MYOC: variants seen among roughly 807,000 people sequenced by gnomAD.
The protein encoded by MYOC is myocilin.
Under a neutral mutation model 28.2 loss-of-function variants are expected in MYOC, and 29 were observed. The ratio of observed to expected loss-of-function variants is 1.03; its 90% CI spans 0.77 to 1.40. The LOEUF (loss-of-function observed/expected upper bound fraction) is 1.40. Among genes scored for constraint, MYOC ranks in the 40% most tolerant of loss-of-function variants. The pLI is 0.00. For missense variants in MYOC, 569 were observed against 620.6 expected, an observed-to-expected ratio of 0.92 and a Z score of 0.88; for synonymous variants, 240 against 245.6, an observed-to-expected ratio of 0.98 and a Z score of 0.21.
chr1:171,640,565 C>T (rs914186937), intron 1 of MYOC, among the ~76,000 whole-genome samples: 1 of 152,088 alleles, frequency 6.6e-6, no homozygotes, highest in East Asian at 1.9e-4. Context: ...GAAATCCCAT[C>T]TCTACAAAAA....
chr1:171,651,954 A>G (rs1653362586), intron 1 of MYOC, 54 bp downstream of exon 1: 1 of 1,613,392 alleles, frequency 6.2e-7, no homozygotes, highest in Admixed American at 1.7e-5. Flanking sequence ...GTAGCAGGTC[A>G]CTACGAGCCA....
intron 1 of MYOC, among the ~76,000 whole-genome samples, chr1:171,641,337 G>A (rs1299769834): frequency 6.6e-6 from 1 of 152,168 alleles, no homozygotes; most frequent in African/African-American, 2.4e-5. Flanking sequence ...GGAAAATGTG[G>A]GAAAGCGCCT....
Position 171,635,873 on chromosome 1 carries a change from C to A in MYOC, c.*52G>T. 1.3e-6 allele frequency: 2 copies of A among 1,599,614 alleles called. No individual in the cohort carries two copies. The highest frequency in any genetic ancestry group is 2.2e-5 in the East Asian group (1 of 44,686). On this transcript the variant is annotated 3_prime_UTR_variant, in exon 3 of 3. Coordinates refer to ENST00000037502, the MANE Select transcript of MYOC (RefSeq NM_000261.2). ...GGCTCTCCCTTCAGCCTGCTCCCCC[C>A]AGGAGCCCTGAGCATCTCCTTCTGC...
Position 171,652,368 on chromosome 1 carries a change from G to T in MYOC, c.244C>A (p.Arg82Ser). 6.2e-7 allele frequency: 1 copy of T among 1,612,490 alleles called. No individual in the cohort carries two copies. The highest frequency in any genetic ancestry group is 8.5e-7 in the Non-Finnish European group (1 of 1,178,650). ...HNLQRDSSTQRLDLEATKARL... is the reference protein window; with the variant it reads ...HNLQRDSSTQSLDLEATKARL... ...GCTTTGGTGGCCTCCAGGTCTAAGC[G>T]TTGGGTGCTGCTGTCTCTCTGTAAG... The change falls in exon 1 of 3, where the codon CGC (arginine) becomes AGC (serine). Residue 82 changes from arginine (R) to serine (S), a missense_variant. Physicochemically the swap from Arg to Ser is moderately radical, Grantham distance 110 (BLOSUM62 -1). Coordinates refer to ENST00000037502, the MANE Select transcript of MYOC (RefSeq NM_000261.2).
At chr1:171,648,013 T>C (rs565489875) in intron 1 of MYOC, among the ~76,000 whole-genome samples, 17 of 150,346 alleles carry the variant, frequency 1.1e-4, no homozygotes, top group African/African-American at 4.2e-4. Flanking sequence ...ACCCTGTCTG[T>C]ACTGGAAAAA....
At chr1:171,649,447 C>T (rs1202060784) in intron 1 of MYOC, among the ~76,000 whole-genome samples, 1 of 152,178 alleles carries the variant, frequency 6.6e-6, no homozygotes, top group Non-Finnish European at 1.5e-5. Flanking sequence ...ACCTTTCTGT[C>T]TTTTACCTTT....
At chr1:171,650,248 T>TA (rs1653320516) in intron 1 of MYOC, among the ~76,000 whole-genome samples, 1 of 152,132 alleles carries the variant, frequency 6.6e-6, no homozygotes, top group South Asian at 2.1e-4. Flanking sequence ...CAGGAGTTTT[T>TA]ATTGAGAATG....
At chr1:171,648,817 A>C (rs1392990886) in intron 1 of MYOC, among the ~76,000 whole-genome samples, 1 of 150,580 alleles carries the variant, frequency 6.6e-6, no homozygotes, top group Non-Finnish European at 1.5e-5. Context: ...CCTCTGGAGT[A>C]ACTGGATTAC....
At chr1:171,650,360 C>A (rs1653326798) in intron 1 of MYOC, among the ~76,000 whole-genome samples, 1 of 152,232 alleles carries the variant, frequency 6.6e-6, no homozygotes, top group Admixed American at 6.5e-5. Context: ...AGCTCTACCA[C>A]TGACCAGCTG....
In MYOC at chr1:171,636,111, G is replaced by A; in HGVS notation, c.1329C>T (p.Thr443=). The A allele has an allele frequency of 6.2e-7, 1 of 1,614,216 alleles. No individual in the cohort carries two copies. Among genetic ancestry groups the A allele is most frequent in the Non-Finnish European group, 8.5e-7 (1 of 1,180,046 alleles). Residue 443 remains threonine (T), a synonymous_variant, in exon 3 of 3, where the codon ACC becomes ACT. Transcript: ENST00000037502. ...CGTLYTVSSY[T]SADATVNFAY... is the part of the protein sequence containing the mutation. The stretch of plus-strand genomic sequence containing the variant: ...CAAAGTTGACGGTAGCATCTGCTGA[G>A]GTGTAGCTGCTGACGGTGTACAAGG...
intron 2 of MYOC, 46 bp downstream of exon 2, chr1:171,638,551 A>G: frequency 6.2e-7 from 1 of 1,609,958 alleles, no homozygotes; most frequent in Non-Finnish European, 8.5e-7. Flanking sequence ...ACTAGACATG[A>G]ATAAAGACCA....
rs140459726 is a variant in MYOC, at chr1:171,641,513, G to C, written c.605-2791C>G. Among the ~76,000 whole-genome samples the C allele has an allele frequency of 2.6e-5, 4 of 152,274 alleles. No individual in the cohort carries two copies. In the East Asian group the frequency reaches 7.7e-4, roughly 29 times the overall value. On this transcript the variant is annotated intron_variant, in intron 1 of 2. Transcript: ENST00000037502. Reference sequence around the variant, plus strand: ...AGGGGGACAGTGGCCTTGAGTTTGAGCCAGATGGAGGTGGTCACAGGGTGT... The same window carrying C: ...AGGGGGACAGTGGCCTTGAGTTTGACCCAGATGGAGGTGGTCACAGGGTGT...
At chr1:171,646,280 C>G (rs1182461047) in intron 1 of MYOC, among the ~76,000 whole-genome samples, 1 of 152,152 alleles carries the variant, frequency 6.6e-6, no homozygotes, top group Non-Finnish European at 1.5e-5. Flanking sequence ...CCCCAGTATG[C>G]TGAGCTGAAT....
chr1:171,642,887 T>TA (rs151128602), intron 1 of MYOC, among the ~76,000 whole-genome samples: 25,229 of 125,924 alleles, frequency 0.2, 3,289 homozygotes, highest in African/African-American at 0.38. Flanking sequence ...TAGTCTATGT[T>TA]TAAAAAAAAA....
At chr1:171,640,151 C>T (rs1419599871) in intron 1 of MYOC, among the ~76,000 whole-genome samples, 1 of 150,372 alleles carries the variant, frequency 6.7e-6, no homozygotes, top group Non-Finnish European at 1.5e-5. Context: ...TGCAAATATT[C>T]TTGTAAGAAG....
chr1:171,635,707 G>T lies in MYOC; in HGVS notation c.*218C>A. On this transcript the variant is annotated 3_prime_UTR_variant, in exon 3 of 3. Transcript: ENST00000037502. ...ATTAAACATCCCATAAATGCTGACA[G>T]AAGATAAAGGATATTTATTATATGA... The T allele has an allele frequency of 1.7e-6, 1 of 593,586 alleles. No individual in the cohort carries two copies. Among genetic ancestry groups the T allele is most frequent in the Non-Finnish European group, 3.0e-6 (1 of 335,536 alleles). 36.8% of individuals were successfully genotyped at this position (593,586 alleles called of 1,614,324 possible). A position where few individuals can be genotyped will look rare whatever the true frequency, so the allele number is the denominator to read the frequency against.
At chr1:171,639,626 C>T (rs1653022711) in intron 1 of MYOC, among the ~76,000 whole-genome samples, 1 of 132,194 alleles carries the variant, frequency 7.6e-6, no homozygotes, top group Non-Finnish European at 1.5e-5. Flanking sequence ...GCTTGGGTAA[C>T]AGAGCAAGGC....
chr1:171,645,650 C>G (rs1299815357), intron 1 of MYOC, among the ~76,000 whole-genome samples: 2 of 152,252 alleles, frequency 1.3e-5, no homozygotes, highest in African/African-American at 2.4e-5. Flanking sequence ...CAGATGGCTA[C>G]TGGAGGCTTC....
chr1:171,636,493 T>C lies in MYOC; in HGVS notation c.947A>G (p.His316Arg). ...QFMQGYPSKVHILPRPLESTG... is the reference protein window; with the variant it reads ...QFMQGYPSKVRILPRPLESTG... ...GCTTTCCAGTGGCCTAGGCAGTATG[T>C]GAACCTTAGAAGGGTAGCCCTGCAT... is the stretch of plus-strand genomic sequence containing the variant. The change falls in exon 3 of 3, where the codon CAC (histidine) becomes CGC (arginine). Residue 316 changes from histidine to arginine, a missense_variant. His to Arg is a conservative substitution (Grantham distance 29, BLOSUM62 0). Transcript: ENST00000037502. The C allele has an allele frequency of 1.2e-6, 2 of 1,613,338 alleles. No individual in the cohort carries two copies. Among genetic ancestry groups the C allele is most frequent in the South Asian group, 2.2e-5 (2 of 91,004 alleles).
Sources: gnomAD v4.1 joint callset for allele counts (sites outside exome capture counted in the v4.1 genomes callset) on GRCh38, gnomAD v4.1.1 for gene constraint, MANE v1.5 for transcripts, NCBI Gene and HGNC (gene_info 2026-07-23, HGNC 2026-07-21) for gene names.